SENP1: variants seen among roughly 807,000 people sequenced by gnomAD.
SENP1 encodes SUMO specific peptidase 1, also known as sentrin-specific protease 1.
In SENP1, 21 loss-of-function variants were observed where a neutral mutation model predicts 93.0. The ratio of observed to expected loss-of-function variants is 0.23; its 90% CI spans 0.16 to 0.33. SENP1 has a LOEUF of 0.33. Ranked by LOEUF, SENP1 falls within the 10% of genes least tolerant of loss-of-function variation. The pLI is 1.00. For missense variants in SENP1, 591 were observed against 758.7 expected (o/e 0.78, Z 2.60); for synonymous variants, 256 against 259.6 (o/e 0.99, Z 0.13).
chr12:48,045,604 A>G (rs1017098329), intron 17 of SENP1, among the ~76,000 whole-genome samples: 1 of 152,044 alleles, frequency 6.6e-6, no homozygotes, highest in Non-Finnish European at 1.5e-5. Context: ...TACACTGGGT[A>G]TTTCCAGGAA....
At chr12:48,082,542 G>A (rs996712058) in intron 6 of SENP1, among the ~76,000 whole-genome samples, 1 of 151,226 alleles carries the variant, frequency 6.6e-6, no homozygotes, top group African/African-American at 2.5e-5. Flanking sequence ...TAATACACGT[G>A]GAAAGTACAC....
intron 5 of SENP1, among the ~76,000 whole-genome samples, chr12:48,086,815 C>G (rs1944898247): frequency 6.6e-6 from 1 of 152,084 alleles, no homozygotes; most frequent in Non-Finnish European, 1.5e-5. Flanking sequence ...CCAAGGAAGG[C>G]AGATCACAAG....
intron 6 of SENP1, chr12:48,081,412 T>C (rs569008498): frequency 2.6e-5 from 4 of 151,988 alleles, no homozygotes; most frequent in Non-Finnish European, 5.9e-5. Flanking sequence ...ATTTGTGTAA[T>C]GTCAAAAAAA....
chr12:48,094,075 T>TA (rs1057252793), intron 4 of SENP1, among the ~76,000 whole-genome samples: 46 of 152,284 alleles, frequency 3.0e-4, no homozygotes, highest in African/African-American at 1.1e-3. Context: ...AGACTTGAGT[T>TA]AAATAAGAGT....
chr12:48,102,789 C>T (rs145113606), intron 1 of SENP1, among the ~76,000 whole-genome samples: 4,036 of 136,704 alleles, frequency 0.03, 199 homozygotes, highest in African/African-American at 0.1. Flanking sequence ...CCAGCCTGGG[C>T]GACAGGGCGA....
chr12:48,096,039 A>T (rs1945535497), intron 4 of SENP1, among the ~76,000 whole-genome samples: 1 of 152,314 alleles, frequency 6.6e-6, no homozygotes, highest in South Asian at 2.1e-4. Flanking sequence ...TACACACATC[A>T]CATACACATA....
intron 13 of SENP1, among the ~76,000 whole-genome samples, chr12:48,059,675 T>C (rs1942827700): frequency 6.6e-6 from 1 of 152,188 alleles, no homozygotes; most frequent in Non-Finnish European, 1.5e-5. Flanking sequence ...TGCTGGGCCT[T>C]GTTGTTGATG....
At chr12:48,097,804 GC>G in intron 3 of SENP1, 189 bp downstream of exon 3, 2 of 493,510 alleles carry the variant, frequency 4.1e-6, no homozygotes, top group Non-Finnish European at 7.1e-6. Flanking sequence ...CTCATACATA[GC>G]CTATTTTGTC....
intron 4 of SENP1, among the ~76,000 whole-genome samples, chr12:48,090,533 T>C (rs1268276911): frequency 1.3e-5 from 2 of 152,178 alleles, no homozygotes; most frequent in Non-Finnish European, 2.9e-5. Flanking sequence ...TGCTGAATGG[T>C]GTTCTATTGC....
In SENP1 at chr12:48,062,894, T is replaced by C. The variant is rs188293654; in HGVS notation, c.1407+816A>G. ...AGGTCTTGATCATACAAAAACAGGATATGGATATCTAAAATATTTAATGAT... is the reference window on the plus strand; with the variant it reads ...AGGTCTTGATCATACAAAAACAGGACATGGATATCTAAAATATTTAATGAT... On this transcript the variant is annotated intron_variant, in intron 13 of 17. Transcript: ENST00000549518. Among the ~76,000 whole-genome samples, 21 of 152,296 alleles carry C rather than the reference T, an allele frequency of 1.4e-4. 1 individual carries two copies. Among genetic ancestry groups the C allele is most frequent in the African/African-American group, 5.1e-4 (21 of 41,566 alleles).
At chr12:48,080,750 A>T (rs968770077) in intron 6 of SENP1, among the ~76,000 whole-genome samples, 9 of 152,230 alleles carry the variant, frequency 5.9e-5, no homozygotes, top group Admixed American at 4.6e-4. Context: ...ATTTTGTATT[A>T]TTCATGTTAT....
At chr12:48,102,994 T>C (rs150938391) in intron 1 of SENP1, among the ~76,000 whole-genome samples, 27 of 152,282 alleles carry the variant, frequency 1.8e-4, no homozygotes, top group African/African-American at 6.5e-4. Flanking sequence ...GGTTATTCTT[T>C]CCCCTTCTTT....
chr12:48,088,802 T>C lies in SENP1; in HGVS notation c.379A>G (p.Ser127Gly). ...GAACTAAGATGACAAAATACGAACC[T>C]TGAGGTCTTTCGGGTTTCGAGGTAA... Reference protein sequence around the residue: ...SLYLETRKTSSGLSNSFAGKS... With the variant: ...SLYLETRKTSGGLSNSFAGKS... The change falls in exon 5 of 18, where the codon AGT becomes GGT. Residue 127 changes from serine to glycine, a missense_variant and splice_region_variant. Around this residue, in one of 4 missense-constraint regions of SENP1, gnomAD observed 214 missense variants for 243.4 expected, o/e 0.88. Transcript: ENST00000549518. 1 of 1,609,320 alleles carries C rather than the reference T, an allele frequency of 6.2e-7. No individual in the cohort carries two copies. The highest frequency in any genetic ancestry group is 8.5e-7 in the Non-Finnish European group (1 of 1,177,710).
Position 48,063,851 on chromosome 12 carries a change from C to T in SENP1, c.1276-10G>A. The T allele has an allele frequency of 3.1e-6, 5 of 1,604,166 alleles. No homozygotes were observed. The highest frequency in any genetic ancestry group is 4.2e-6 in the Non-Finnish European group (5 of 1,176,710). ...TTTCTTTCTCCATTTCCTAAGAAAA[C>T]AAAAGGTGTCAAGACATCAAACACG... On this transcript the variant is annotated splice_polypyrimidine_tract_variant and intron_variant, in intron 12 of 17. Transcript: ENST00000549518.
chr12:48,067,904 A>G (rs1458761768), intron 9 of SENP1, among the ~76,000 whole-genome samples: 1 of 152,120 alleles, frequency 6.6e-6, no homozygotes, highest in Non-Finnish European at 1.5e-5. Flanking sequence ...TCTGTTGCCC[A>G]GGCTGGAGTA....
At chr12:48,048,238 G>A (rs948925601) in intron 14 of SENP1, among the ~76,000 whole-genome samples, 158 bp from the exon 15 acceptor site, 2 of 151,850 alleles carry the variant, frequency 1.3e-5, no homozygotes, top group Non-Finnish European at 2.9e-5. Flanking sequence ...AATCTGTAGA[G>A]AAAAAAAATG....
intron 16 of SENP1, 144 bp downstream of exon 16, chr12:48,046,834 T>C (rs1941406355): frequency 1.6e-6 from 1 of 611,384 alleles, no homozygotes; most frequent in South Asian, 2.0e-5. Flanking sequence ...GATAGCTTAA[T>C]TTATCCTCCC....
chr12:48,047,545 T>C (rs1162737078), intron 15 of SENP1, among the ~76,000 whole-genome samples: 1 of 152,224 alleles, frequency 6.6e-6, no homozygotes, highest in South Asian at 2.1e-4. Context: ...GTGCAAACTG[T>C]TCACCATTGT....
chr12:48,095,618 A>T (rs1945508869), intron 4 of SENP1, among the ~76,000 whole-genome samples: 1 of 151,844 alleles, frequency 6.6e-6, no homozygotes, highest in African/African-American at 2.4e-5. Flanking sequence ...TAAGGCAAGG[A>T]GACTGAAGCA....
Sources: allele counts gnomAD v4.1 joint callset (sites outside exome capture counted in the v4.1 genomes callset), GRCh38; gene constraint gnomAD v4.1.1; regional missense constraint gnomAD v4.1.1; transcripts MANE v1.5; gene names NCBI Gene and HGNC (gene_info 2026-07-23, HGNC 2026-07-21).